AOAH: variants seen among roughly 807,000 people sequenced by gnomAD.
AOAH encodes the protein acyloxyacyl hydrolase, also known as acyloxyacyl hydrolase (neutrophil).
Under a neutral mutation model 92.2 loss-of-function variants are expected in AOAH, and 64 were observed. That is an observed-to-expected ratio of 0.69 (90% CI 0.57 to 0.86). The LOEUF (loss-of-function observed/expected upper bound fraction) is 0.86, where lower values mean the gene tolerates loss of function less well. Among genes scored for constraint, AOAH ranks in the 40% least tolerant of loss-of-function variants. AOAH has a pLI of 0.00. For synonymous variants in AOAH, 263 were observed against 254.5 expected, an observed-to-expected ratio of 1.03 and a Z score of -0.32; for missense variants, 656 against 694.6, an observed-to-expected ratio of 0.94 and a Z score of 0.62.
At chr7:36,610,186 G>A (rs868552208) in intron 11 of AOAH, among the ~76,000 whole-genome samples, 4 of 125,510 alleles carry the variant, frequency 3.2e-5, no homozygotes, top group Admixed American at 1.7e-4. Context: ...AAAAAGAATC[G>A]GTTTAACATC....
chr7:36,517,259 T>G (rs1783830895), intron 20 of AOAH, among the ~76,000 whole-genome samples: 1 of 38,464 alleles, frequency 2.6e-5, no homozygotes. Context: ...TTTCTGTGTC[T>G]CTCTCTTTCT....
chr7:36,515,909 C>T (rs1783661038), intron 20 of AOAH, among the ~76,000 whole-genome samples: 1 of 147,804 alleles, frequency 6.8e-6, no homozygotes, highest in African/African-American at 2.5e-5. Context: ...CCCTCACAAC[C>T]CCACACCACA....
At chr7:36,717,727 A>ATTTTTTTTT (rs10624883) in intron 1 of AOAH, among the ~76,000 whole-genome samples, 70 of 122,696 alleles carry the variant, frequency 5.7e-4, no homozygotes, top group East Asian at 2.2e-3. Flanking sequence ...TTCTCTTCTT[A>ATTTTTTTTT]TTTTTTTTTT....
chr7:36,524,904 T>C (rs1784324290), intron 19 of AOAH, among the ~76,000 whole-genome samples: 1 of 152,156 alleles, frequency 6.6e-6, no homozygotes, highest in Admixed American at 6.5e-5. Flanking sequence ...ACCCAGTTCA[T>C]GGTATTTTAT....
intron 1 of AOAH, among the ~76,000 whole-genome samples, chr7:36,712,909 A>T (rs1798862639): frequency 6.6e-6 from 1 of 152,232 alleles, no homozygotes; most frequent in African/African-American, 2.4e-5. Flanking sequence ...GAGGCTAGGA[A>T]GAAACTGCAT....
At chr7:36,641,731 A>T (rs891509372) in intron 4 of AOAH, among the ~76,000 whole-genome samples, 1 of 152,122 alleles carries the variant, frequency 6.6e-6, no homozygotes, top group Non-Finnish European at 1.5e-5. Flanking sequence ...CTCAAGCTCT[A>T]GGTAGGTGAG....
intron 4 of AOAH, among the ~76,000 whole-genome samples, chr7:36,641,632 C>T (rs1156468174): frequency 6.6e-6 from 1 of 152,202 alleles, no homozygotes; most frequent in Non-Finnish European, 1.5e-5. Flanking sequence ...GCTTTCCTAG[C>T]TTTCGGGCCG....
intron 6 of AOAH, among the ~76,000 whole-genome samples, chr7:36,625,685 T>C (rs1461549441): frequency 2.6e-5 from 4 of 152,168 alleles, no homozygotes; most frequent in African/African-American, 4.8e-5. Context: ...TGGAAGATTG[T>C]CCAGGAACAG....
At chr7:36,654,993 G>A (rs1794791414) in intron 4 of AOAH, among the ~76,000 whole-genome samples, 1 of 152,188 alleles carries the variant, frequency 6.6e-6, no homozygotes, top group African/African-American at 2.4e-5. Context: ...TAAGTGCAGC[G>A]GCTGGCAGGC....
At chr7:36,583,354 A>G (rs768464091) in intron 12 of AOAH, among the ~76,000 whole-genome samples, 4 of 152,180 alleles carry the variant, frequency 2.6e-5, no homozygotes, top group Non-Finnish European at 5.9e-5. Flanking sequence ...AAGGGTGGAT[A>G]ACTTTCTTTC....
intron 3 of AOAH, among the ~76,000 whole-genome samples, chr7:36,670,844 G>C (rs950276509): frequency 1.0e-5 from 1 of 98,772 alleles, no homozygotes; most frequent in Admixed American, 1.0e-4. Flanking sequence ...TGTACAGTTT[G>C]CATCTGCAGT....
At chr7:36,617,048 A>G (rs1791950856) in intron 10 of AOAH, among the ~76,000 whole-genome samples, 1 of 152,230 alleles carries the variant, frequency 6.6e-6, no homozygotes, top group African/African-American at 2.4e-5. Flanking sequence ...ATCCACACGA[A>G]TCAGTCACCT....
At position 36,724,238 on chromosome 7, in the gene AOAH, C is replaced by G; in HGVS notation, c.-90G>C. ...CTGAGGCTGCAGAATCAATTGATCT[C>G]TCTCTCCTTCTCTTCCTCACTCTCT... is the stretch of plus-strand genomic sequence containing the variant. On this transcript the variant is annotated 5_prime_UTR_variant, in exon 1 of 21. Coordinates refer to ENST00000617537, the MANE Select transcript of AOAH (RefSeq NM_001637.4). 2 of 1,464,222 alleles carry G rather than the reference C, an allele frequency of 1.4e-6. No homozygotes were observed. Among genetic ancestry groups the G allele is most frequent in the East Asian group, 2.4e-5 (1 of 41,952 alleles). 90.7% of individuals were successfully genotyped at this position (1,464,222 alleles called of 1,614,324 possible). A position where few individuals can be genotyped will look rare whatever the true frequency, so the allele number is the denominator to read the frequency against.
At chr7:36,636,098 C>T (rs1042300665) in intron 5 of AOAH, among the ~76,000 whole-genome samples, 1 of 152,156 alleles carries the variant, frequency 6.6e-6, no homozygotes, top group Non-Finnish European at 1.5e-5. Flanking sequence ...GCTTTCTGTA[C>T]CCTGGCCAGG....
At chr7:36,544,457 C>T (rs1463559316) in intron 15 of AOAH, among the ~76,000 whole-genome samples, 2 of 152,124 alleles carry the variant, frequency 1.3e-5, no homozygotes, top group Non-Finnish European at 2.9e-5. Flanking sequence ...CCTGCCACCC[C>T]GGATTTGTCT....
intron 3 of AOAH, among the ~76,000 whole-genome samples, chr7:36,671,598 C>G (rs73688269): frequency 1.3e-5 from 2 of 151,262 alleles, no homozygotes; most frequent in Non-Finnish European, 2.9e-5. Context: ...TGTGCTCATG[C>G]GTGTGTGTGT....
At chr7:36,651,230 G>A (rs1794558224) in intron 4 of AOAH, among the ~76,000 whole-genome samples, 1 of 152,150 alleles carries the variant, frequency 6.6e-6, no homozygotes, top group African/African-American at 2.4e-5. Context: ...CATTGCTATC[G>A]CATGCCATAT....
intron 16 of AOAH, among the ~76,000 whole-genome samples, chr7:36,536,949 CAAAAAAAAAAAAAAA>C (rs11441171): frequency 8.4e-5 from 4 of 47,460 alleles, no homozygotes; most frequent in Non-Finnish European, 1.3e-4. Flanking sequence ...GACTTCATCT[CAAAAAAAAAAAAAAA>C]AAAAAAAAAA....
chr7:36,578,448 G>C (rs910651745), intron 12 of AOAH, among the ~76,000 whole-genome samples: 3 of 152,178 alleles, frequency 2.0e-5, no homozygotes, highest in African/African-American at 7.2e-5. Context: ...GACTTGAGGT[G>C]GTGAGTCTCA....
Sources: allele counts gnomAD v4.1 joint callset (sites outside exome capture counted in the v4.1 genomes callset), GRCh38; gene constraint gnomAD v4.1.1; transcripts MANE v1.5; gene names NCBI Gene and HGNC (gene_info 2026-07-23, HGNC 2026-07-21).